EDIL3: variants seen among roughly 807,000 people sequenced by gnomAD.
EDIL3 encodes EGF-like repeat and discoidin I-like domain-containing protein 3.
A neutral mutation model predicts 67.4 loss-of-function variants in EDIL3; 37 were observed. The ratio of observed to expected loss-of-function variants is 0.55; its 90% confidence interval spans 0.42 to 0.72. The LOEUF is 0.72. Ranked by LOEUF, EDIL3 falls within the 30% of genes least tolerant of loss-of-function variation. The probability of loss-of-function intolerance (pLI) is 0.00; values close to 1 mark genes in which losing one functional copy is unlikely to be tolerated. For synonymous variants in EDIL3, 195 were observed against 196.3 expected (o/e 0.99, Z 0.05); for missense variants, 527 against 586.3 (o/e 0.90, Z 1.04).
chr5:84,263,911 A>G (rs1745289810), intron 1 of EDIL3, among the ~76,000 whole-genome samples: 1 of 152,174 alleles, frequency 6.6e-6, no homozygotes. Flanking sequence ...AAGGAGGAAG[A>G]TGTACCAGGA....
chr5:84,007,700 C>G (rs1745443129), intron 9 of EDIL3, among the ~76,000 whole-genome samples: 1 of 152,090 alleles, frequency 6.6e-6, no homozygotes, highest in African/African-American at 2.4e-5. Flanking sequence ...AGTACAGCCA[C>G]TTTGGAGAAC....
chr5:84,109,866 A>T (rs771210339), intron 5 of EDIL3, among the ~76,000 whole-genome samples: 25 of 152,230 alleles, frequency 1.6e-4, no homozygotes, highest in South Asian at 4.1e-4. Flanking sequence ...GTGATTCTGC[A>T]TTTTCCTACT....
chr5:84,187,833 T>A (rs1743497095), intron 3 of EDIL3, among the ~76,000 whole-genome samples: 1 of 152,034 alleles, frequency 6.6e-6, no homozygotes, highest in African/African-American at 2.4e-5. Context: ...TTGCTTCTCA[T>A]CCTGCTCTTT....
chr5:84,199,987 T>G (rs1743798531), intron 3 of EDIL3, among the ~76,000 whole-genome samples: 1 of 151,954 alleles, frequency 6.6e-6, no homozygotes, highest in Non-Finnish European at 1.5e-5. Context: ...TGTCTATGGG[T>G]TTTTTAAATT....
chr5:84,095,906 G>A (rs896078060), intron 6 of EDIL3, among the ~76,000 whole-genome samples: 4 of 152,236 alleles, frequency 2.6e-5, no homozygotes, highest in African/African-American at 9.6e-5. Context: ...CAGTGGTTTT[G>A]TGGGCTGGGC....
At chr5:84,113,547 A>C (rs1416153498) in intron 5 of EDIL3, among the ~76,000 whole-genome samples, 2 of 152,180 alleles carry the variant, frequency 1.3e-5, no homozygotes, top group East Asian at 3.9e-4. Flanking sequence ...GGATGTGAAT[A>C]AAATAGCTTC....
chr5:84,189,963 C>A (rs543975601), intron 3 of EDIL3, among the ~76,000 whole-genome samples: 1 of 151,942 alleles, frequency 6.6e-6, no homozygotes, highest in African/African-American at 2.4e-5. Flanking sequence ...TATACAGAAG[C>A]CTTTTGTGAA....
chr5:84,292,018 C>T (rs1745934407), intron 1 of EDIL3, among the ~76,000 whole-genome samples: 1 of 151,856 alleles, frequency 6.6e-6, no homozygotes, highest in African/African-American at 2.4e-5. Context: ...TACATCTCTA[C>T]TGCCCAATAC....
In EDIL3 at chr5:84,243,606, T is replaced by A. The variant is rs537481101; in HGVS notation, c.196+10478A>T. Among the ~76,000 whole-genome samples the A allele has an allele frequency of 6.5e-4, 99 of 152,342 alleles. 1 individual carries two copies. Among genetic ancestry groups the A allele is most frequent in the African/African-American group, 2.3e-3 (96 of 41,582 alleles). The stretch of plus-strand genomic sequence containing the variant: ...CAGATAAAGACATTGTGGGGTTATA[T>A]GAACACATTGTATTAAAAAGGTGTT... On this transcript the variant is annotated intron_variant, in intron 2 of 10. Transcript: ENST00000296591.
Position 84,384,308 on chromosome 5 carries a change from C to T in EDIL3, c.67G>A (p.Gly23Ser), listed in dbSNP as rs776762718. 2 of 1,609,328 alleles carry T rather than the reference C, an allele frequency of 1.2e-6. No individual in the cohort carries two copies. The highest frequency in any genetic ancestry group is 2.3e-5 in the East Asian group (1 of 44,264). ...LSLGVPQFGK[G>S]DICDPNPCEN... is the part of the protein sequence containing the mutation. ...AGCTGTCCGGGTCCCGACGCCTTAC[C>T]TTTGCCGAACTGGGGGACACCGAGG... Residue 23 changes from glycine to serine, a missense_variant and splice_region_variant, in exon 1 of 11, where the codon GGT becomes AGT. Gly to Ser is a moderately conservative substitution (Grantham distance 56). Around this residue, in one of 2 missense-constraint regions of EDIL3, gnomAD observed 494 missense variants for 522.5 expected, o/e 0.95. Coordinates refer to ENST00000296591, the MANE Select transcript of EDIL3 (RefSeq NM_005711.5).
At chr5:84,093,358 G>C (rs1262992239) in intron 6 of EDIL3, among the ~76,000 whole-genome samples, 3 of 152,094 alleles carry the variant, frequency 2.0e-5, no homozygotes, top group Non-Finnish European at 4.4e-5. Context: ...TGACTATAAA[G>C]GTATTTTAGT....
intron 3 of EDIL3, among the ~76,000 whole-genome samples, chr5:84,206,789 C>A (rs1325542766): frequency 6.6e-6 from 1 of 152,050 alleles, no homozygotes; most frequent in Non-Finnish European, 1.5e-5. Context: ...GAACCAAAGA[C>A]AAAAACCACA....
rs1292757312 is a variant in EDIL3, at chr5:83,940,973, T to A, written c.*2446A>T. 6.6e-6 allele frequency: 1 copy of A among 152,066 alleles called. No individual in the cohort carries two copies. The highest frequency in any genetic ancestry group is 1.5e-5 in the Non-Finnish European group (1 of 67,924). The allele number at this position is 152,066 out of a possible 1,614,324, so 9.4% of individuals were successfully genotyped here. On this transcript the variant is annotated 3_prime_UTR_variant, in exon 11 of 11. Transcript: ENST00000296591. ...ATGTTTAAAAGTTTAGTTTCATTAA[T>A]TGTAAAATTAGCATGTTATATTTAC... is the stretch of plus-strand genomic sequence containing the variant.
intron 1 of EDIL3, among the ~76,000 whole-genome samples, chr5:84,282,101 G>T (rs1275589631): frequency 1.3e-5 from 2 of 151,056 alleles, no homozygotes; most frequent in Middle Eastern, 3.2e-3. Context: ...TCGAACTCCT[G>T]AGCTCGTGAT....
chr5:84,087,828 G>A (rs1747098796), intron 6 of EDIL3, among the ~76,000 whole-genome samples: 1 of 152,018 alleles, frequency 6.6e-6, no homozygotes, highest in Non-Finnish European at 1.5e-5. Flanking sequence ...CTTCCCTGAG[G>A]AACTGGCATC....
intron 3 of EDIL3, among the ~76,000 whole-genome samples, chr5:84,214,655 A>T (rs1466116854): frequency 6.6e-6 from 1 of 151,646 alleles, no homozygotes. Context: ...TATTTCTTCT[A>T]TTTGGAAATA....
intron 1 of EDIL3, among the ~76,000 whole-genome samples, chr5:84,378,206 T>C (rs760604735): frequency 1.1e-4 from 16 of 152,204 alleles, no homozygotes; most frequent in Non-Finnish European, 2.2e-4. Flanking sequence ...TAAGCAGGTT[T>C]TCAAGCTTAA....
intron 4 of EDIL3, among the ~76,000 whole-genome samples, chr5:84,178,958 T>C (rs1439817250): frequency 6.6e-6 from 1 of 152,214 alleles, no homozygotes; most frequent in African/African-American, 2.4e-5. Context: ...TATAAGCTTG[T>C]CTGAATATAG....
chr5:84,016,130 G>A (rs1745599733), intron 9 of EDIL3, among the ~76,000 whole-genome samples: 1 of 152,066 alleles, frequency 6.6e-6, no homozygotes, highest in Admixed American at 6.6e-5. Context: ...ATTTATAAAT[G>A]AGAACATGTG....
Sources: allele counts gnomAD v4.1 joint callset (sites outside exome capture counted in the v4.1 genomes callset), GRCh38; gene constraint gnomAD v4.1.1; regional missense constraint gnomAD v4.1.1; transcripts MANE v1.5; gene names NCBI Gene and HGNC (gene_info 2026-07-23, HGNC 2026-07-21).